Variants in CHN1 observed in about 807,000 individuals in gnomAD.
CHN1 encodes the protein N-chimaerin.
Under a neutral mutation model 59.5 loss-of-function variants are expected in CHN1, and 37 were observed. That is an observed-to-expected ratio of 0.62 (90% CI 0.48 to 0.82). The LOEUF is 0.82. Ranked by LOEUF, CHN1 falls within the 40% of genes least tolerant of loss-of-function variation. CHN1 has a pLI of 0.00. For missense variants in CHN1, 469 were observed against 571.0 expected (o/e 0.82, Z 1.82); for synonymous variants, 206 against 200.4 (o/e 1.03, Z -0.24).
At chr2:174,968,165 C>A (rs1690651174) in intron 1 of CHN1, among the ~76,000 whole-genome samples, 1 of 152,164 alleles carries the variant, frequency 6.6e-6, no homozygotes, top group Admixed American at 6.5e-5. Context: ...AGAGATAAGG[C>A]TCCTATTACT....
At chr2:174,998,867 T>G (rs989850672) in intron 1 of CHN1, among the ~76,000 whole-genome samples, 1 of 152,218 alleles carries the variant, frequency 6.6e-6, no homozygotes, top group African/African-American at 2.4e-5. Flanking sequence ...TTCTATCTAA[T>G]CTTTGTTTTT....
At chr2:174,853,744 C>T (rs1459817420) in intron 6 of CHN1, among the ~76,000 whole-genome samples, 1 of 152,176 alleles carries the variant, frequency 6.6e-6, no homozygotes, top group Non-Finnish European at 1.5e-5. Context: ...GGTACATACA[C>T]ACTATGGTAT....
rs564009111 is a variant in CHN1, at chr2:174,951,375, T to G, written c.58+789A>C. Reference sequence around the variant, plus strand: ...CTTCAGTCAGCAAATTTCAGCAACCTACAATCATCAGATTTATAATAAACC... The same window carrying G: ...CTTCAGTCAGCAAATTTCAGCAACCGACAATCATCAGATTTATAATAAACC... On this transcript the variant is annotated intron_variant, in intron 2 of 12. Transcript: ENST00000409900. Among the ~76,000 whole-genome samples the G allele has an allele frequency of 2.0e-5, 3 of 152,330 alleles. No individual in the cohort carries two copies. The East Asian group carries it at 5.8e-4, about 29-fold the overall frequency.
Position 174,881,586 on chromosome 2 carries a change from C to A in CHN1, c.261-3458G>T, listed in dbSNP as rs145259146. 6.2e-3 allele frequency among the ~76,000 whole-genome samples: 943 copies of A among 152,236 alleles called. 10 individuals are homozygous for A. Among genetic ancestry groups the A allele is most frequent in the Non-Finnish European group, 8.5e-3 (579 of 68,020 alleles). On this transcript the variant is annotated intron_variant, in intron 5 of 12. Coordinates refer to ENST00000409900, the MANE Select transcript of CHN1 (RefSeq NM_001822.7). The stretch of plus-strand genomic sequence containing the variant: ...CTTTCTCCTTCTCTGTTAGCTTAGG[C>A]CCCTGCAGAGAATGACAGAATGAGT...
chr2:174,808,063 CT>C (rs1425632536), intron 11 of CHN1, among the ~76,000 whole-genome samples: 1 of 152,150 alleles, frequency 6.6e-6, no homozygotes, highest in African/African-American at 2.4e-5. Context: ...TAAACCTTTG[CT>C]TTTTCTCATT....
chr2:174,949,620 C>T (rs533138374), intron 2 of CHN1, among the ~76,000 whole-genome samples: 24 of 152,272 alleles, frequency 1.6e-4, no homozygotes, highest in Middle Eastern at 3.4e-3. Context: ...CCACCTCAGT[C>T]TCCCCAGACT....
chr2:174,984,869 C>A (rs756222858), intron 1 of CHN1, among the ~76,000 whole-genome samples: 1 of 152,106 alleles, frequency 6.6e-6, no homozygotes, highest in Non-Finnish European at 1.5e-5. Flanking sequence ...TAAAAAGAAA[C>A]CTGTATTGAT....
rs1684647479 is a variant in CHN1, at chr2:174,799,562, T to C, written c.*554A>G. ...TAACAAATCTGAAAACACATTTTGC[T>C]TTTGCTGGAAAGAAAGTACTATGTT... On this transcript the variant is annotated 3_prime_UTR_variant, in exon 13 of 13. Transcript: ENST00000409900. 1.7e-5 allele frequency: 9 copies of C among 524,350 alleles called. No individual in the cohort carries two copies. In the East Asian group the frequency reaches 3.7e-4, roughly 21 times the overall value. 32.5% of individuals were successfully genotyped at this position (524,350 alleles called of 1,614,324 possible). A position where few individuals can be genotyped will look rare whatever the true frequency, so the allele number is the denominator to read the frequency against.
chr2:174,877,883 T>A lies in CHN1; in HGVS notation c.506A>T (p.Asp169Val). 2 of 1,613,850 alleles carry A rather than the reference T, an allele frequency of 1.2e-6. No homozygotes were observed. The highest frequency in any genetic ancestry group is 1.7e-6 in the Non-Finnish European group (2 of 1,179,782). ...ATCCTGGCCTGTAGAATCTCTCTCA[T>A]CATGTGTCTCTTTCAGGACTGGCAT... is the stretch of plus-strand genomic sequence containing the variant. ...KHMPVLKETH[D>V]ERDSTGQDGV... The change falls in exon 6 of 13, where the codon GAT becomes GTT. Residue 169 changes from aspartate (D) to valine (V), a missense_variant. By Grantham distance (152) the Asp-to-Val change is radical. Transcript: ENST00000409900.
chr2:174,808,910 G>A lies in CHN1; in HGVS notation c.1097C>T (p.Ser366Phe). ...TYDAYPKFIE[S>F]AKIMDPDEQL... Reference sequence around the variant, plus strand: ...ATACATGCATTCATACTTACTGGCAGATTCTATAAACTTAGGGTAGGCATC... The same window carrying A: ...ATACATGCATTCATACTTACTGGCAAATTCTATAAACTTAGGGTAGGCATC... Residue 366 changes from serine to phenylalanine, a missense_variant, in exon 11 of 13, where the codon TCT becomes TTT. Physicochemically the swap from Ser to Phe is radical, Grantham distance 155. This residue lies in a region of CHN1 where 225 missense variants were observed against 289.9 expected (regional missense o/e 0.78). Coordinates refer to ENST00000409900, the MANE Select transcript of CHN1 (RefSeq NM_001822.7). 1 of 1,613,650 alleles carries A rather than the reference G, an allele frequency of 6.2e-7. No homozygotes were observed. Among genetic ancestry groups the A allele is most frequent in the Non-Finnish European group, 8.5e-7 (1 of 1,179,706 alleles).
At chr2:174,908,766 T>C (rs1044792386) in intron 5 of CHN1, among the ~76,000 whole-genome samples, 2 of 152,210 alleles carry the variant, frequency 1.3e-5, no homozygotes, top group African/African-American at 4.8e-5. Flanking sequence ...TGGAGAATTA[T>C]TTCAATTGTC....
chr2:174,826,734 C>T (rs1201321474), intron 7 of CHN1, among the ~76,000 whole-genome samples: 1 of 152,164 alleles, frequency 6.6e-6, no homozygotes, highest in Non-Finnish European at 1.5e-5. Context: ...GTGAATGTGG[C>T]ATTTCAAAAA....
intron 10 of CHN1, 82 bp from the exon 11 acceptor site, chr2:174,809,124 T>G: frequency 8.0e-7 from 1 of 1,251,924 alleles, no homozygotes; most frequent in South Asian, 1.7e-5. Context: ...TGTATACAAA[T>G]CAGATTTTAA....
intron 5 of CHN1, among the ~76,000 whole-genome samples, chr2:174,899,096 T>C (rs1250032944): frequency 6.6e-6 from 1 of 152,196 alleles, no homozygotes; most frequent in African/African-American, 2.4e-5. Flanking sequence ...CACAGCCTTG[T>C]TACCTTCTCA....
chr2:174,932,855 C>T (rs559079334), intron 3 of CHN1, among the ~76,000 whole-genome samples: 1 of 152,332 alleles, frequency 6.6e-6, no homozygotes, highest in South Asian at 2.1e-4. Flanking sequence ...ACTTCCTGTA[C>T]AGCCTGTGGA....
At chr2:174,957,358 G>A (rs184763130) in intron 1 of CHN1, among the ~76,000 whole-genome samples, 7 of 149,828 alleles carry the variant, frequency 4.7e-5, no homozygotes, top group East Asian at 3.9e-4. Flanking sequence ...GGCCACAGCC[G>A]GGAACAGGCA....
chr2:174,962,805 G>C (rs962225183), intron 1 of CHN1, among the ~76,000 whole-genome samples: 3 of 152,024 alleles, frequency 2.0e-5, no homozygotes, highest in Admixed American at 2.0e-4. Context: ...TGCTACTCAG[G>C]AGGCTGAGGC....
intron 5 of CHN1, among the ~76,000 whole-genome samples, chr2:174,913,112 G>A (rs1311156671): frequency 1.3e-5 from 2 of 152,182 alleles, no homozygotes; most frequent in Non-Finnish European, 2.9e-5. Flanking sequence ...GCTGGTATCA[G>A]CTGGTGAAAA....
In CHN1 at chr2:174,799,158, C is replaced by T. The variant is rs941557041; in HGVS notation, c.*958G>A. On this transcript the variant is annotated 3_prime_UTR_variant, in exon 13 of 13. Transcript: ENST00000409900. ...AGCTCTGGTAGGAACTCCTGCCCAA[C>T]CTCTCATTAAAAAGTATGTCAAGAA... Among the ~76,000 whole-genome samples the T allele has an allele frequency of 6.6e-6, 1 of 152,206 alleles. No individual in the cohort carries two copies. The highest frequency in any genetic ancestry group is 2.4e-5 in the African/African-American group (1 of 41,450).
Sources: allele counts gnomAD v4.1 joint callset (sites outside exome capture counted in the v4.1 genomes callset), GRCh38; gene constraint gnomAD v4.1.1; regional missense constraint gnomAD v4.1.1; transcripts MANE v1.5; gene names NCBI Gene and HGNC (gene_info 2026-07-23, HGNC 2026-07-21).